The following SPEF2 variants were observed in gnomAD, a reference collection of about 807,000 sequenced individuals.
SPEF2 encodes the protein sperm flagella and cilia-associated protein 2.
Under a neutral mutation model 224.6 loss-of-function variants are expected in SPEF2, and 187 were observed. The observed-to-expected ratio is 0.83, with a 90% CI of 0.74 to 0.94. The LOEUF is 0.94. SPEF2 is among the 40% of genes least tolerant of loss of function. The probability of loss-of-function intolerance (pLI) is 0.00; values close to 1 mark genes in which losing one functional copy is unlikely to be tolerated. For missense variants in SPEF2, 2,170 were observed against 2,135.6 expected (o/e 1.02, Z -0.32); for synonymous variants, 715 against 707.3 (o/e 1.01, Z -0.17).
chr5:35,682,628 A>G (rs1753000620), intron 10 of SPEF2, among the ~76,000 whole-genome samples: 1 of 152,228 alleles, frequency 6.6e-6, no homozygotes, highest in Non-Finnish European at 1.5e-5. Flanking sequence ...TCCTCTAAAA[A>G]AGCCACCTTT....
At chr5:35,618,774 C>A (rs1484656980) in intron 1 of SPEF2, among the ~76,000 whole-genome samples, 1 of 152,058 alleles carries the variant, frequency 6.6e-6, no homozygotes, top group Non-Finnish European at 1.5e-5. Context: ...CCAAAGTTTC[C>A]AAGTCTGACA....
intron 6 of SPEF2, among the ~76,000 whole-genome samples, chr5:35,651,423 TC>T (rs1032557611): frequency 2.6e-5 from 4 of 152,170 alleles, no homozygotes; most frequent in Non-Finnish European, 5.9e-5. Context: ...GCAGCTGAAG[TC>T]CCTGGGCCAG....
At chr5:35,668,054 T>G (rs1416773022) in intron 9 of SPEF2, among the ~76,000 whole-genome samples, 1 of 152,152 alleles carries the variant, frequency 6.6e-6, no homozygotes, top group Non-Finnish European at 1.5e-5. Context: ...TATTCATTAC[T>G]GCTGAGAAAG....
chr5:35,751,066 T>TAC (rs70973059), intron 23 of SPEF2, among the ~76,000 whole-genome samples: 12,673 of 31,382 alleles, frequency 0.4, 4,920 homozygotes, highest in Non-Finnish European at 0.52. Context: ...CGTATATATA[T>TAC]GTATATATAT....
At chr5:35,626,429 A>T (rs1744268663) in intron 1 of SPEF2, among the ~76,000 whole-genome samples, 1 of 152,198 alleles carries the variant, frequency 6.6e-6, no homozygotes, top group African/African-American at 2.4e-5. Flanking sequence ...AATAGATGCA[A>T]TGTGTCTGTT....
At chr5:35,781,154 T>A (rs1361689470) in intron 30 of SPEF2, among the ~76,000 whole-genome samples, 1 of 151,650 alleles carries the variant, frequency 6.6e-6, no homozygotes, top group South Asian at 2.1e-4. Flanking sequence ...GTTTTTTTTT[T>A]AATTTTTATT....
At chr5:35,782,026 C>T (rs1254747124) in intron 30 of SPEF2, among the ~76,000 whole-genome samples, 1 of 152,122 alleles carries the variant, frequency 6.6e-6, no homozygotes, top group African/African-American at 2.4e-5. Context: ...CACCCCTTTT[C>T]CCCATCTCTT....
intron 36 of SPEF2, 148 bp from the exon 37 acceptor site, chr5:35,814,316 A>G (rs1580821928): frequency 7.1e-6 from 3 of 422,654 alleles, no homozygotes; most frequent in Admixed American, 4.5e-5. Context: ...TTAAAACTAA[A>G]TGGAGAAATT....
At chr5:35,763,292 T>C (rs1169253204) in intron 25 of SPEF2, among the ~76,000 whole-genome samples, 1 of 152,212 alleles carries the variant, frequency 6.6e-6, no homozygotes, top group Non-Finnish European at 1.5e-5. Flanking sequence ...CTGAAAATTA[T>C]GGGTTTTTGT....
At chr5:35,694,583 C>G (rs192504999) in intron 13 of SPEF2, among the ~76,000 whole-genome samples, 1 of 152,166 alleles carries the variant, frequency 6.6e-6, no homozygotes, top group Non-Finnish European at 1.5e-5. Flanking sequence ...CAGCCTCCTT[C>G]GAATAGTTGA....
At chr5:35,693,936 A>G (rs2149540110) in intron 12 of SPEF2, among the ~76,000 whole-genome samples, 1 of 152,320 alleles carries the variant, frequency 6.6e-6, no homozygotes, top group African/African-American at 2.4e-5. Flanking sequence ...TGTGACTGAC[A>G]TCTCTAGGAT....
chr5:35,766,636 C>CT (rs1281247614), intron 26 of SPEF2, among the ~76,000 whole-genome samples: 1 of 151,622 alleles, frequency 6.6e-6, no homozygotes, highest in Admixed American at 6.6e-5. Flanking sequence ...TACTATGTGT[C>CT]TTTTTTTCTT....
chr5:35,807,997 A>G (rs1580812023), intron 36 of SPEF2: 1 of 1,272,368 alleles, frequency 7.9e-7, no homozygotes, highest in African/African-American at 1.5e-5. Context: ...TTGAACTACA[A>G]AGTGTTTGCT....
intron 1 of SPEF2, among the ~76,000 whole-genome samples, chr5:35,622,231 A>G (rs975572292): frequency 6.6e-6 from 1 of 151,614 alleles, no homozygotes; most frequent in African/African-American, 2.4e-5. Flanking sequence ...GTTTTTGGAG[A>G]GTGATATTTT....
At chr5:35,653,993 C>T (rs1315693046) in intron 6 of SPEF2, among the ~76,000 whole-genome samples, 1 of 148,362 alleles carries the variant, frequency 6.7e-6, no homozygotes, top group Non-Finnish European at 1.5e-5. Flanking sequence ...GGCACAGTGG[C>T]TCATGCCTGT....
chr5:35,730,409 A>T (rs1423304860), intron 21 of SPEF2, among the ~76,000 whole-genome samples: 1 of 152,238 alleles, frequency 6.6e-6, no homozygotes, highest in Non-Finnish European at 1.5e-5. Flanking sequence ...GCCCTCACTC[A>T]CATTCAACCA....
At chr5:35,659,762 A>T (rs1439405450) in intron 8 of SPEF2, among the ~76,000 whole-genome samples, 2 of 151,904 alleles carry the variant, frequency 1.3e-5, no homozygotes, top group African/African-American at 2.4e-5. Context: ...TTTCTTTAAA[A>T]GTTCACTAAG....
In SPEF2 at chr5:35,806,815, G is replaced by A. The variant is rs1366240981; in HGVS notation, c.5119G>A (p.Asp1707Asn). 2 of 1,613,760 alleles carry A rather than the reference G, an allele frequency of 1.2e-6. No homozygotes were observed. Among genetic ancestry groups the A allele is most frequent in the Non-Finnish European group, 1.7e-6 (2 of 1,179,926 alleles). ...KDDTEKREQK[D>N]EEIPENANNE... ...CGACACGGAGAAAAGGGAACAGAAG[G>A]ATGAAGAAATCCCTGAAAATGCAAA... Residue 1707 changes from aspartate to asparagine, a missense_variant, in exon 35 of 37, where the codon GAT becomes AAT. Physicochemically the swap from Asp to Asn is conservative, Grantham distance 23. Coordinates refer to ENST00000356031, the MANE Select transcript of SPEF2 (RefSeq NM_024867.4).
chr5:35,641,775 T>A, intron 3 of SPEF2, 92 bp downstream of exon 3: 1 of 1,348,060 alleles, frequency 7.4e-7, no homozygotes, highest in Non-Finnish European at 1.0e-6. Flanking sequence ...AGAAGCCTCA[T>A]TAGGCATATA....
Sources: gnomAD v4.1 joint callset for allele counts (sites outside exome capture counted in the v4.1 genomes callset) on GRCh38, gnomAD v4.1.1 for gene constraint, MANE v1.5 for transcripts, NCBI Gene and HGNC (gene_info 2026-07-23, HGNC 2026-07-21) for gene names.